The following GTPBP2 variants were observed in gnomAD, a reference collection of about 807,000 sequenced individuals.
GTPBP2 encodes GTP-binding protein 2.
In GTPBP2, 32 loss-of-function variants were observed where a neutral mutation model predicts 63.0. The observed-to-expected ratio is 0.51, with a 90% confidence interval of 0.38 to 0.68. GTPBP2 has a LOEUF of 0.68. Among genes scored for constraint, GTPBP2 ranks in the 30% least tolerant of loss-of-function variants. The pLI, the probability that GTPBP2 is intolerant of heterozygous loss-of-function variation, is 0.00. For synonymous variants in GTPBP2, 310 were observed against 322.6 expected, an observed-to-expected ratio of 0.96 and a Z score of 0.42; for missense variants, 492 against 796.9, an observed-to-expected ratio of 0.62 and a Z score of 4.61.
chr6:43,622,877 G>C lies in GTPBP2; in HGVS notation c.1296-73C>G. ...CCTACTTCTCTATTAGGATCACCCA[G>C]AGCATTCCTTCCCTTCTAGGGTTGA... On this transcript the variant is annotated intron_variant, in intron 9 of 11. Coordinates refer to ENST00000307126, the MANE Select transcript of GTPBP2 (RefSeq NM_019096.5). The surrounding 1 kb of genome is among the most constrained non-coding windows in gnomAD (Gnocchi z 5.4). The C allele has an allele frequency of 1.6e-6, 2 of 1,214,578 alleles. No homozygotes were observed. The highest frequency in any genetic ancestry group is 2.6e-5 in the East Asian group (1 of 38,944). 75.2% of individuals were successfully genotyped at this position (1,214,578 alleles called of 1,614,324 possible). A position where few individuals can be genotyped will look rare whatever the true frequency, so the allele number is the denominator to read the frequency against.
upstream of GTPBP2, chr6:43,629,625 C>A: frequency 1.0e-6 from 1 of 993,842 alleles, no homozygotes. Flanking sequence ...GCTTTGTGGG[C>A]GCTCCGGGAT....
Position 43,621,210 on chromosome 6 carries a change from A to G in GTPBP2, c.*404T>C, listed in dbSNP as rs1768694430. On this transcript the variant is annotated 3_prime_UTR_variant, in exon 12 of 12. Transcript: ENST00000307126. ...CATGGCCTTGAGAAGAGGTATAGAA[A>G]AAGGAGTGCTTTTGAGGGCTACCCC... 2 of 364,102 alleles carry G rather than the reference A, an allele frequency of 5.5e-6. No individual in the cohort carries two copies. The highest frequency in any genetic ancestry group is 1.5e-4 in the East Asian group (2 of 13,714). 22.6% of individuals were successfully genotyped at this position (364,102 alleles called of 1,614,324 possible).
chr6:43,622,913 T>G lies in GTPBP2; in HGVS notation c.1296-109A>C, dbSNP rs989993863. On this transcript the variant is annotated intron_variant, in intron 9 of 11. Transcript: ENST00000307126. This position sits in a 1 kb window ranked among gnomAD's most constrained non-coding sequence, Gnocchi z 5.4. ...CCCTTCTAGGGTTGAGTCCCTCAAG[T>G]GGGGAAGAACCCTAAATTCTGACTT... The G allele has an allele frequency of 2.4e-6, 2 of 844,460 alleles. No homozygotes were observed. The highest frequency in any genetic ancestry group is 3.4e-5 in the African/African-American group (2 of 58,700). 52.3% of individuals were successfully genotyped at this position (844,460 alleles called of 1,614,324 possible).
Position 43,622,514 on chromosome 6 carries a change from G to A in GTPBP2, c.1467+119C>T, listed in dbSNP as rs774763253. The stretch of plus-strand genomic sequence containing the variant: ...CGTAGCTAGACCAGAAGCTTCTTGG[G>A]TCAGAGAGTGTGTTTCCTCTGAGTT... On this transcript the variant is annotated intron_variant, in intron 10 of 11. Coordinates refer to ENST00000307126, the MANE Select transcript of GTPBP2 (RefSeq NM_019096.5). This position sits in a 1 kb window ranked among gnomAD's most constrained non-coding sequence, Gnocchi z 5.4. 98 of 970,292 alleles carry A rather than the reference G, an allele frequency of 1.0e-4. No individual in the cohort carries two copies. Among genetic ancestry groups the A allele is most frequent in the Non-Finnish European group, 1.3e-4 (86 of 637,868 alleles). 60.1% of individuals were successfully genotyped at this position (970,292 alleles called of 1,614,324 possible). A position where few individuals can be genotyped will look rare whatever the true frequency, so the allele number is the denominator to read the frequency against.
At chr6:43,630,562 G>A (rs1486472576), upstream of GTPBP2, among the ~76,000 whole-genome samples, 1 of 152,216 alleles carries the variant, frequency 6.6e-6, no homozygotes, top group African/African-American at 2.4e-5. Context: ...GGCCAACACA[G>A]CGAAACCCCG....
Position 43,621,603 on chromosome 6 carries a change from G to A in GTPBP2, c.*11C>T. 1.2e-6 allele frequency: 2 copies of A among 1,613,908 alleles called. No individual in the cohort carries two copies. The highest frequency in any genetic ancestry group is 1.7e-5 in the Admixed American group (1 of 60,022). Reference sequence around the variant, plus strand: ...TAGGGACAGCAATAGAACTGTCCCTGCCTGAAGGGTTCAGAAGCCCATGTT... The same window carrying A: ...TAGGGACAGCAATAGAACTGTCCCTACCTGAAGGGTTCAGAAGCCCATGTT... On this transcript the variant is annotated 3_prime_UTR_variant, in exon 12 of 12. Coordinates refer to ENST00000307126, the MANE Select transcript of GTPBP2 (RefSeq NM_019096.5).
In GTPBP2 at chr6:43,625,224, A is replaced by G; in HGVS notation, c.705+139T>C. The G allele has an allele frequency of 2.9e-6, 3 of 1,017,012 alleles. No individual in the cohort carries two copies. Among genetic ancestry groups the G allele is most frequent in the Non-Finnish European group, 4.5e-6 (3 of 668,392 alleles). The allele number at this position is 1,017,012 out of a possible 1,614,324, so 63.0% of individuals were successfully genotyped here. On this transcript the variant is annotated intron_variant, in intron 5 of 11. Transcript: ENST00000307126. The surrounding 1 kb of genome is among the most constrained non-coding windows in gnomAD (Gnocchi z 5.1). ...CCCATTGATTTCCTAAGAGGGGCAG[A>G]GCTTGTTCACAGTCCCCTCAGGGCA...
upstream of GTPBP2, among the ~76,000 whole-genome samples, chr6:43,630,154 A>T (rs1483576762): frequency 1.3e-5 from 2 of 152,190 alleles, no homozygotes; most frequent in African/African-American, 2.4e-5. Context: ...AGTGGCCGGG[A>T]ATAGAAACTT....
intron 1 of GTPBP2, chr6:43,628,717 TCTCTC>T: frequency 1.4e-6 from 1 of 717,978 alleles, no homozygotes. Context: ...TTTCTCTACT[TCTCTC>T]CTGGGGTAAT....
At chr6:43,630,443 G>T (rs1344747911), upstream of GTPBP2, among the ~76,000 whole-genome samples, 1 of 152,016 alleles carries the variant, frequency 6.6e-6, no homozygotes, top group Non-Finnish European at 1.5e-5. Context: ...ACACGGTCAA[G>T]AAATTAAACA....
intron 8 of GTPBP2, 52 bp downstream of exon 8, chr6:43,623,881 A>G (rs1769056617): frequency 6.2e-7 from 1 of 1,613,434 alleles, no homozygotes; most frequent in African/African-American, 1.3e-5. Context: ...GTTTGGTCTG[A>G]AGCAGCCCCT....
chr6:43,625,042 T>C lies in GTPBP2; in HGVS notation c.726A>G (p.Ser242=). Residue 242 remains serine (S), a synonymous_variant, in exon 6 of 12, where the codon TCA becomes TCG. Coordinates refer to ENST00000307126, the MANE Select transcript of GTPBP2 (RefSeq NM_019096.5). This position sits in a 1 kb window ranked among gnomAD's most constrained non-coding sequence, Gnocchi z 5.1. ...SKGEVVNYSD[S]RTAEEICESS... ...TCTCACAGATCTCTTCTGCTGTCCG[T>C]GAGTCGCTGTAATTCACCACCTGGC... The C allele has an allele frequency of 6.2e-7, 1 of 1,613,774 alleles. No individual in the cohort carries two copies. The highest frequency in any genetic ancestry group is 8.5e-7 in the Non-Finnish European group (1 of 1,179,986).
In GTPBP2 at chr6:43,622,590, A is replaced by G. The variant is rs1768871281; in HGVS notation, c.1467+43T>C. ...TCATTCAGTAGCCAGTCTCCTAGGC[A>G]CTTCTCTTAGCGTTCCCTCCCCAAC... On this transcript the variant is annotated intron_variant, in intron 10 of 11. Transcript: ENST00000307126. The surrounding 1 kb of genome is among the most constrained non-coding windows in gnomAD (Gnocchi z 5.4). 2 of 1,568,576 alleles carry G rather than the reference A, an allele frequency of 1.3e-6. No individual in the cohort carries two copies. The highest frequency in any genetic ancestry group is 1.7e-6 in the Non-Finnish European group (2 of 1,144,612).
At chr6:43,623,629 C>A in intron 9 of GTPBP2, 108 bp downstream of exon 9, 2 of 824,540 alleles carry the variant, frequency 2.4e-6, no homozygotes, top group Admixed American at 1.8e-5. Flanking sequence ...ATAAGCATGT[C>A]CTTTAAATGG....
At chr6:43,630,567 A>G (rs2127853000), upstream of GTPBP2, among the ~76,000 whole-genome samples, 1 of 152,128 alleles carries the variant, frequency 6.6e-6, no homozygotes. Flanking sequence ...ACACAGCGAA[A>G]CCCCGTCTCT....
rs1254288044 is a variant in GTPBP2 at position 43,621,485 on chromosome 6, C to A, written c.*129G>T. On this transcript the variant is annotated 3_prime_UTR_variant, in exon 12 of 12. Transcript: ENST00000307126. ...ACCTCTCCAGAAAGTTGGCAGGGAG[C>A]AAGTGGCAGACAGCACCCCTCTCTC... 3.4e-5 allele frequency: 53 copies of A among 1,556,740 alleles called. No individual in the cohort carries two copies. The highest frequency in any genetic ancestry group is 4.4e-5 in the Non-Finnish European group (51 of 1,149,860).
rs1383409202 is a variant in GTPBP2 at position 43,622,091 on chromosome 6, T to C, written c.1544A>G (p.His515Arg). The change falls in exon 11 of 12, where the codon CAT becomes CGT. Residue 515 changes from histidine (H) to arginine (R), a missense_variant. Physicochemically the swap from His to Arg is conservative, Grantham distance 29. Transcript: ENST00000307126. This position sits in a 1 kb window ranked among gnomAD's most constrained non-coding sequence, Gnocchi z 5.4. ...GAATCCTCGTCGGAAGGTGGTGGCA[T>C]GGAACAGTAAGACTATCTCTGCCTC... ...VFEAEIVLLF[H>R]ATTFRRGFQV... 6.2e-7 allele frequency: 1 copy of C among 1,613,924 alleles called. No homozygotes were observed. The highest frequency in any genetic ancestry group is 1.3e-5 in the African/African-American group (1 of 74,908).
chr6:43,622,243 C>A lies in GTPBP2; in HGVS notation c.1468-76G>T. On this transcript the variant is annotated intron_variant, in intron 10 of 11. Transcript: ENST00000307126. The surrounding 1 kb of genome is among the most constrained non-coding windows in gnomAD (Gnocchi z 5.4). ...TCTCCCTCCCCAGCCACCCCACACC[C>A]TTTATAGCTCCTGAATTTCCTCTTC... 3 of 1,228,850 alleles carry A rather than the reference C, an allele frequency of 2.4e-6. No homozygotes were observed. Among genetic ancestry groups the A allele is most frequent in the Non-Finnish European group, 3.4e-6 (3 of 870,290 alleles). The allele number at this position is 1,228,850 out of a possible 1,614,324, so 76.1% of individuals were successfully genotyped here.
At chr6:43,621,838 T>C (rs1181270739) in intron 11 of GTPBP2, 48 bp from the exon 12 acceptor site, 1 of 1,613,218 alleles carries the variant, frequency 6.2e-7, no homozygotes, top group Non-Finnish European at 8.5e-7. Context: ...TTCTGTCCCA[T>C]TCTCTGCCAG....
Sources: allele counts gnomAD v4.1 joint callset (sites outside exome capture counted in the v4.1 genomes callset), GRCh38; gene constraint gnomAD v4.1.1; non-coding constraint Gnocchi (gnomAD v3.1); transcripts MANE v1.5; gene names NCBI Gene and HGNC (gene_info 2026-07-23, HGNC 2026-07-21).